Variants in OSBPL6 observed in about 807,000 individuals in gnomAD.
OSBPL6 encodes oxysterol binding protein like 6, also known as oxysterol-binding protein-related protein 6.
OSBPL6 carries 49 observed loss-of-function variants against 125.8 expected under a neutral mutation model. The ratio of observed to expected loss-of-function variants is 0.39; its 90% CI spans 0.31 to 0.49. OSBPL6 has a LOEUF of 0.49. Ranked by LOEUF, OSBPL6 falls within the 20% of genes least tolerant of loss-of-function variation. OSBPL6 has a pLI of 0.88. For missense variants in OSBPL6, 986 were observed against 1,135.4 expected (o/e 0.87, Z 1.89); for synonymous variants, 394 against 391.8 (o/e 1.01, Z -0.07).
At chr2:178,339,349 G>A (rs375340025) in intron 10 of OSBPL6, among the ~76,000 whole-genome samples, 5 of 152,196 alleles carry the variant, frequency 3.3e-5, no homozygotes, top group African/African-American at 1.2e-4. Context: ...ATTCTTCCAT[G>A]TTTGTGTCCT....
At chr2:178,294,375 A>G (rs1402145298) in intron 2 of OSBPL6, among the ~76,000 whole-genome samples, 1 of 152,220 alleles carries the variant, frequency 6.6e-6, no homozygotes, top group African/African-American at 2.4e-5. Context: ...AAAGGCAGAA[A>G]GAGAGTGAGA....
chr2:178,219,573 A>C (rs1030184488), intron 1 of OSBPL6, among the ~76,000 whole-genome samples: 4 of 152,158 alleles, frequency 2.6e-5, no homozygotes, highest in Non-Finnish European at 5.9e-5. Context: ...TGGGGAGGGA[A>C]ACTGAAATAT....
At chr2:178,299,792 A>T (rs1217356079) in intron 2 of OSBPL6, among the ~76,000 whole-genome samples, 2 of 152,180 alleles carry the variant, frequency 1.3e-5, no homozygotes, top group Non-Finnish European at 2.9e-5. Context: ...AAAAGATATG[A>T]TTCCTTCTTC....
At chr2:178,392,583 C>T (rs1473528065) in intron 23 of OSBPL6, 45 bp downstream of exon 23, 1 of 1,601,164 alleles carries the variant, frequency 6.2e-7, no homozygotes, top group Non-Finnish European at 8.5e-7. Context: ...TGGCTGGGTG[C>T]AGTAGCTCAT....
chr2:178,256,219 C>G (rs2091883671), intron 1 of OSBPL6, among the ~76,000 whole-genome samples: 1 of 152,164 alleles, frequency 6.6e-6, no homozygotes, highest in Non-Finnish European at 1.5e-5. Flanking sequence ...GCAAAAAGAC[C>G]CTTTCCGTGG....
At chr2:178,348,436 T>C (rs1373429589) in intron 11 of OSBPL6, among the ~76,000 whole-genome samples, 3 of 152,226 alleles carry the variant, frequency 2.0e-5, no homozygotes, top group African/African-American at 7.2e-5. Flanking sequence ...TAAAGCCTTC[T>C]TAAAGGGGAG....
rs543384138 is a variant in OSBPL6 at position 178,352,506 on chromosome 2, G to A, written c.1153+3117G>A. Among the ~76,000 whole-genome samples, 12 of 152,252 alleles carry A rather than the reference G, an allele frequency of 7.9e-5. No individual in the cohort carries two copies. In the South Asian group the frequency reaches 1.0e-3, roughly 13 times the overall value. ...ACTGCTAGGACGGCAGTCTGAGATC[G>A]AACTGCGAGGCGGCAGACTGGCTGG... On this transcript the variant is annotated intron_variant, in intron 12 of 24. Transcript: ENST00000190611.
chr2:178,394,400 A>G lies in OSBPL6; in HGVS notation c.2661A>G (p.Glu887=), dbSNP rs779474682. Residue 887 remains glutamate, a synonymous_variant, in exon 24 of 25, where the codon GAA becomes GAG. Coordinates refer to ENST00000190611, the MANE Select transcript of OSBPL6 (RefSeq NM_032523.4). ...ELQRSRRRYM[E]ENNLEHIPKF... is the part of the protein sequence containing the mutation. ...AGAGATCTCGGAGACGATATATGGA[A>G]GAAAACAATCTTGAACATATACCAA... 1.9e-6 allele frequency: 3 copies of G among 1,613,234 alleles called. No homozygotes were observed. Among genetic ancestry groups the G allele is most frequent in the Non-Finnish European group, 2.5e-6 (3 of 1,179,686 alleles).
intron 12 of OSBPL6, among the ~76,000 whole-genome samples, chr2:178,354,532 A>G (rs1016565068): frequency 6.6e-6 from 1 of 152,240 alleles, no homozygotes; most frequent in Non-Finnish European, 1.5e-5. Context: ...CAACAAAAAG[A>G]GCTAACTATC....
At chr2:178,284,186 G>A (rs569761259) in intron 1 of OSBPL6, among the ~76,000 whole-genome samples, 42 of 152,118 alleles carry the variant, frequency 2.8e-4, no homozygotes, top group Non-Finnish European at 5.3e-4. Flanking sequence ...CTGTTCATGC[G>A]TTTTTTTCAG....
At chr2:178,226,131 G>A (rs1273380179) in intron 1 of OSBPL6, among the ~76,000 whole-genome samples, 1 of 152,186 alleles carries the variant, frequency 6.6e-6, no homozygotes, top group Non-Finnish European at 1.5e-5. Context: ...TCATGGAGGA[G>A]GAAGTGTGGA....
chr2:178,332,802 T>TG, intron 7 of OSBPL6, 48 bp downstream of exon 7: 2 of 1,609,116 alleles, frequency 1.2e-6, no homozygotes, highest in Non-Finnish European at 1.7e-6. Flanking sequence ...GGGGAAACGA[T>TG]TTGCCTACAC....
chr2:178,317,396 G>A (rs1187763930), intron 3 of OSBPL6, among the ~76,000 whole-genome samples: 9 of 134,406 alleles, frequency 6.7e-5, no homozygotes, highest in East Asian at 2.1e-4. Context: ...TTGATCTCAC[G>A]GTAATTTAAC....
At chr2:178,258,657 G>A (rs1030284503) in intron 1 of OSBPL6, among the ~76,000 whole-genome samples, 8 of 152,080 alleles carry the variant, frequency 5.3e-5, no homozygotes, top group African/African-American at 1.9e-4. Flanking sequence ...TTATACCTAT[G>A]TAACTCATAC....
chr2:178,315,856 T>A (rs998018123), intron 3 of OSBPL6, among the ~76,000 whole-genome samples: 1 of 152,188 alleles, frequency 6.6e-6, no homozygotes, highest in African/African-American at 2.4e-5. Context: ...TGTTATTCAC[T>A]CAGTTTTGGA....
intron 2 of OSBPL6, among the ~76,000 whole-genome samples, chr2:178,290,130 TG>T (rs1685106675): frequency 6.6e-6 from 1 of 152,176 alleles, no homozygotes; most frequent in Non-Finnish European, 1.5e-5. Context: ...ATAAAAATGG[TG>T]ACCCCCACCC....
intron 1 of OSBPL6, 88 bp downstream of exon 1, chr2:178,194,762 G>A (rs2153917546): frequency 6.6e-6 from 1 of 152,486 alleles, no homozygotes; most frequent in South Asian, 2.1e-4. Flanking sequence ...CCTCCGGCGG[G>A]CCGAGGACCC....
intron 1 of OSBPL6, among the ~76,000 whole-genome samples, chr2:178,211,880 G>T (rs1414278857): frequency 6.6e-6 from 1 of 152,104 alleles, no homozygotes; most frequent in Non-Finnish European, 1.5e-5. Context: ...CTCTGTTATG[G>T]CTTCCCACAT....
At chr2:178,290,006 T>A (rs552573597) in intron 2 of OSBPL6, among the ~76,000 whole-genome samples, 2 of 152,320 alleles carry the variant, frequency 1.3e-5, no homozygotes, top group East Asian at 3.9e-4. Context: ...TGGACCGTGT[T>A]TCGGGGAAGA....
Sources: gnomAD v4.1 joint callset for allele counts (sites outside exome capture counted in the v4.1 genomes callset) on GRCh38, gnomAD v4.1.1 for gene constraint, MANE v1.5 for transcripts, NCBI Gene and HGNC (gene_info 2026-07-23, HGNC 2026-07-21) for gene names.